ANKRD27: variants seen among roughly 807,000 people sequenced by gnomAD.
ANKRD27 encodes ankyrin repeat domain-containing protein 27.
In ANKRD27, 112 loss-of-function variants were observed where a neutral mutation model predicts 129.7. That is an observed-to-expected ratio of 0.86 (90% CI 0.74 to 1.01). The LOEUF is 1.01. Ranked by LOEUF, ANKRD27 falls within the 50% of genes least tolerant of loss-of-function variation. ANKRD27 has a pLI of 0.00. For synonymous variants in ANKRD27, 516 were observed against 511.2 expected, an observed-to-expected ratio of 1.01 and a Z score of -0.13; for missense variants, 1,258 against 1,300.5, an observed-to-expected ratio of 0.97 and a Z score of 0.50.
chr19:32,655,115 C>G (rs868512260), intron 2 of ANKRD27: 9 of 152,310 alleles, frequency 5.9e-5, no homozygotes, highest in African/African-American at 2.2e-4. Context: ...CTATTTCCAG[C>G]ATGGCAGTGT....
At chr19:32,640,895 T>A (rs1227051246) in intron 10 of ANKRD27, among the ~76,000 whole-genome samples, 1 of 151,774 alleles carries the variant, frequency 6.6e-6, no homozygotes, top group Non-Finnish European at 1.5e-5. Flanking sequence ...ACCCTGTCTC[T>A]TTTTTTTGTT....
intron 1 of ANKRD27, among the ~76,000 whole-genome samples, chr19:32,672,500 A>C (rs1039445344): frequency 6.6e-6 from 1 of 152,184 alleles, no homozygotes; most frequent in Non-Finnish European, 1.5e-5. Flanking sequence ...GGGAGAGGTC[A>C]TCTCTCACAA....
Position 32,613,732 on chromosome 19 carries a change from G to C in ANKRD27, c.2175+1926C>G, listed in dbSNP as rs191640450. ...TTTTTTTTTTTTTTTTTTTTGAGAC[G>C]GAGTCTTGCTCTGTTGCCCAGGCTG... On this transcript the variant is annotated intron_variant, in intron 22 of 28. Coordinates refer to ENST00000306065, the MANE Select transcript of ANKRD27 (RefSeq NM_032139.3). Among the ~76,000 whole-genome samples, 785 of 137,864 alleles carry C rather than the reference G, an allele frequency of 5.7e-3. 2 individuals are homozygous for C. The highest frequency in any genetic ancestry group is 0.021 in the African/African-American group (739 of 35,794). 90.4% of individuals were successfully genotyped at this position (137,864 alleles called of 152,430 possible).
intron 1 of ANKRD27, chr19:32,673,005 G>A (rs1568424388): frequency 6.6e-6 from 1 of 152,184 alleles, no homozygotes; most frequent in Admixed American, 6.5e-5. Flanking sequence ...TGACAGACAG[G>A]AAGAGCCCCA....
chr19:32,658,500 C>T (rs1041020933), intron 2 of ANKRD27, among the ~76,000 whole-genome samples: 1 of 152,192 alleles, frequency 6.6e-6, no homozygotes, highest in African/African-American at 2.4e-5. Flanking sequence ...TGTGTTTACT[C>T]GGTCCCTTAT....
chr19:32,625,940 G>A lies in ANKRD27; in HGVS notation c.1563C>T (p.Ser521=), dbSNP rs774132281. 22 of 1,610,388 alleles carry A rather than the reference G, an allele frequency of 1.4e-5. No homozygotes were observed. Among genetic ancestry groups the A allele is most frequent in the East Asian group, 1.3e-4 (6 of 44,652 alleles). ...VTLLLLHYKA[S]AEVQDNNGNT... is the part of the protein sequence containing the mutation. Reference sequence around the variant, plus strand: ...TCCCATTGTTGTCCTGCACTTCCGCGCTGGCCTTGTAGTGCAGCAGCAGCA... The same window carrying A: ...TCCCATTGTTGTCCTGCACTTCCGCACTGGCCTTGTAGTGCAGCAGCAGCA... Residue 521 remains serine, a synonymous_variant, in exon 17 of 29, where the codon AGC becomes AGT. Transcript: ENST00000306065.
chr19:32,604,562 A>G, intron 24 of ANKRD27, 138 bp from the exon 25 acceptor site: 2 of 891,800 alleles, frequency 2.2e-6, no homozygotes, highest in Non-Finnish European at 3.2e-6. Context: ...TGGGGAGGAA[A>G]AGTAATACTG....
In ANKRD27 at chr19:32,658,942, C is replaced by T. The variant is rs373528525; in HGVS notation, c.74G>A (p.Cys25Tyr). ...GCCATGGATTTGGGCCACTTTGCTG[C>T]ACAAGTCAGGGCGGCACTTTTGCAG... ...LALQKCRPDL[C>Y]SKVAQIHGIV... Residue 25 changes from cysteine to tyrosine, a missense_variant, in exon 2 of 29, where the codon TGC becomes TAC. Cys to Tyr is a radical substitution (Grantham distance 194). Coordinates refer to ENST00000306065, the MANE Select transcript of ANKRD27 (RefSeq NM_032139.3). The T allele has an allele frequency of 3.7e-5, 60 of 1,613,978 alleles. 1 individual carries two copies. In the Admixed American group the frequency reaches 9.7e-4, roughly 26 times the overall value.
chr19:32,627,390 A>T (rs145301059), intron 15 of ANKRD27, among the ~76,000 whole-genome samples: 2,725 of 42,684 alleles, frequency 0.064, 116 homozygotes, highest in Non-Finnish European at 0.12. Flanking sequence ...TTATTTATTT[A>T]TTTATTTATT....
intron 13 of ANKRD27, 30 bp from the exon 14 acceptor site, chr19:32,628,879 C>CATGCTGGA: frequency 6.2e-7 from 1 of 1,611,954 alleles, no homozygotes; most frequent in Non-Finnish European, 8.5e-7. Context: ...ATGCTATCCA[C>CATGCTGGA]ATGCTGGAAT....
At chr19:32,654,793 GTTT>G (rs1289715022) in intron 2 of ANKRD27, among the ~76,000 whole-genome samples, 7 of 151,866 alleles carry the variant, frequency 4.6e-5, no homozygotes, top group Non-Finnish European at 8.8e-5. Flanking sequence ...TTGTTTGTTT[GTTT>G]TTTGAGATAG....
chr19:32,600,009 T>C lies in ANKRD27; in HGVS notation c.2809A>G (p.Arg937Gly). Residue 937 changes from arginine (R) to glycine (G), a missense_variant, in exon 27 of 29, where the codon AGA becomes GGA. Coordinates refer to ENST00000306065, the MANE Select transcript of ANKRD27 (RefSeq NM_032139.3). ...GCTGAGTGGACAAAGTAAAACTGTC[T>C]TGTAAAAGGCTCATCTGGTAGATCA... The part of the protein sequence containing the change: ...LYDLPDEPFT[R>G]QFYFVHSAGQ... 1.9e-6 allele frequency: 3 copies of C among 1,613,254 alleles called. No homozygotes were observed. Among genetic ancestry groups the C allele is most frequent in the Non-Finnish European group, 1.7e-6 (2 of 1,179,344 alleles).
At chr19:32,652,748 C>T (rs1464263875) in intron 2 of ANKRD27, among the ~76,000 whole-genome samples, 7 of 151,512 alleles carry the variant, frequency 4.6e-5, no homozygotes, top group East Asian at 2.0e-4. Context: ...GGCGACAGGG[C>T]AAAACCCTGT....
At chr19:32,650,913 A>AT (rs5827815) in intron 2 of ANKRD27, among the ~76,000 whole-genome samples, 97,589 of 148,674 alleles carry the variant, frequency 0.66, 31,955 homozygotes, top group Non-Finnish European at 0.68. Context: ...CATGACCAGC[A>AT]TTTTTTTTTT....
chr19:32,626,937 C>G (rs2145282666), intron 15 of ANKRD27, 110 bp from the exon 16 acceptor site: 1 of 619,300 alleles, frequency 1.6e-6, no homozygotes, highest in Middle Eastern at 2.6e-4. Context: ...GCATGAAACC[C>G]ACGGTAGATA....
chr19:32,660,034 G>C (rs531967514), intron 1 of ANKRD27, among the ~76,000 whole-genome samples: 1 of 152,196 alleles, frequency 6.6e-6, no homozygotes, highest in African/African-American at 2.4e-5. Flanking sequence ...TAAGGCAGGA[G>C]GATCCGCTTA....
intron 22 of ANKRD27, among the ~76,000 whole-genome samples, chr19:32,612,358 G>C (rs1971847336): frequency 6.6e-6 from 1 of 152,172 alleles, no homozygotes; most frequent in South Asian, 2.1e-4. Flanking sequence ...AAGGTATTTT[G>C]TAGACATACA....
At position 32,597,869 on chromosome 19, in the gene ANKRD27, AAAG is replaced by A. The variant is rs1434091425; in HGVS notation, c.*273_*275del. ...GTGACCAACAAACCCTCATACTTAA[AAAG>A]AAGCATGCACCTCTGGCTTAAGGAT... On this transcript the variant is annotated 3_prime_UTR_variant, in exon 29 of 29. Coordinates refer to ENST00000306065, the MANE Select transcript of ANKRD27 (RefSeq NM_032139.3). The A allele has an allele frequency of 2.1e-6, 1 of 486,414 alleles. No homozygotes were observed. Among genetic ancestry groups the A allele is most frequent in the Non-Finnish European group, 3.7e-6 (1 of 267,486 alleles). The allele number at this position is 486,414 out of a possible 1,614,324, so 30.1% of individuals were successfully genotyped here. A position where few individuals can be genotyped will look rare whatever the true frequency, so the allele number is the denominator to read the frequency against.
intron 22 of ANKRD27, among the ~76,000 whole-genome samples, chr19:32,615,144 C>T (rs1468041452): frequency 2.6e-5 from 4 of 152,216 alleles, no homozygotes; most frequent in Admixed American, 1.3e-4. Context: ...TCATGGGACA[C>T]ATCTCTGCTC....
Sources: allele counts gnomAD v4.1 joint callset (sites outside exome capture counted in the v4.1 genomes callset), GRCh38; gene constraint gnomAD v4.1.1; transcripts MANE v1.5; gene names NCBI Gene and HGNC (gene_info 2026-07-23, HGNC 2026-07-21).